Variants in FANCB observed in about 807,000 individuals in gnomAD.
FANCB encodes Fanconi anemia group B protein.
Under a neutral mutation model 38.9 loss-of-function variants are expected in FANCB, and 5 were observed. The ratio of observed to expected loss-of-function variants is 0.13; its 90% CI spans 0.07 to 0.27. FANCB has a LOEUF of 0.27. Among genes scored for constraint, FANCB ranks in the 10% least tolerant of loss-of-function variants. The pLI, the probability that FANCB is intolerant of heterozygous loss-of-function variation, is 1.00. For synonymous variants in FANCB, 236 were observed against 215.4 expected, an observed-to-expected ratio of 1.10 and a Z score of -0.84; for missense variants, 573 against 602.7, an observed-to-expected ratio of 0.95 and a Z score of 0.52.
At chrX:14,840,680 C>A (rs1482414003), downstream of FANCB, among the ~76,000 whole-genome samples, 2 of 112,351 alleles carry the variant, frequency 1.8e-5, no homozygotes, top group African/African-American at 6.5e-5. Flanking sequence ...GCATGCTTTA[C>A]TGACCATAGC....
At chrX:14,691,320 T>C in the FANCB span, among the ~76,000 whole-genome samples, 539 of 60,961 alleles carry the variant, frequency 8.8e-3, 5 homozygotes, top group African/African-American at 0.036. Context: ...TGTGTGTGTG[T>C]GTGTGCGCGC....
At chrX:14,854,109 T>C (rs927558272) in intron 5 of FANCB, among the ~76,000 whole-genome samples, 1 of 112,218 alleles carries the variant, frequency 8.9e-6, no homozygotes, top group Non-Finnish European at 1.9e-5. Context: ...TGTTACCTTA[T>C]TGCACAAAGT....
chrX:14,711,426 C>A, the FANCB span, among the ~76,000 whole-genome samples: 1 of 112,188 alleles, frequency 8.9e-6, no homozygotes, highest in Admixed American at 9.5e-5. Flanking sequence ...TTGAGTTGAA[C>A]AGTTTCACAT....
At chrX:14,717,045 C>A in the FANCB span, among the ~76,000 whole-genome samples, 4 of 111,357 alleles carry the variant, frequency 3.6e-5, no homozygotes, top group South Asian at 7.6e-4. Flanking sequence ...AAAGCAACAA[C>A]AAATCTGACG....
chrX:14,692,486 A>G, the FANCB span, among the ~76,000 whole-genome samples: 1 of 112,129 alleles, frequency 8.9e-6, no homozygotes, highest in South Asian at 3.7e-4. Context: ...TCCTTCAACA[A>G]CTTCTTTTAC....
intron 6 of FANCB, among the ~76,000 whole-genome samples, chrX:14,851,673 C>T (rs1329255835): frequency 8.9e-6 from 1 of 111,778 alleles, no homozygotes; most frequent in Non-Finnish European, 1.9e-5. Flanking sequence ...AAAATGGGGC[C>T]TTGCACATAG....
chrX:14,807,169 C>T, the FANCB span, among the ~76,000 whole-genome samples: 1 of 112,085 alleles, frequency 8.9e-6, no homozygotes, highest in African/African-American at 3.2e-5. Context: ...CTTGAGATGT[C>T]ACAATTCAGG....
chrX:14,820,760 T>C, the FANCB span, among the ~76,000 whole-genome samples: 2 of 111,020 alleles, frequency 1.8e-5, no homozygotes, highest in South Asian at 3.7e-4. Flanking sequence ...CAGATCTTTA[T>C]AAAAAAAATT....
At chrX:14,774,480 G>C in the FANCB span, among the ~76,000 whole-genome samples, 27 of 111,820 alleles carry the variant, frequency 2.4e-4, no homozygotes, top group Non-Finnish European at 3.4e-4. Flanking sequence ...AATGGCAATA[G>C]GGACAATTGG....
chrX:14,828,150 G>C, the FANCB span, among the ~76,000 whole-genome samples: 4 of 111,987 alleles, frequency 3.6e-5, no homozygotes. Flanking sequence ...GGCCTTCAGC[G>C]AGTTGTAATT....
At chrX:14,810,684 G>A in the FANCB span, among the ~76,000 whole-genome samples, 24 of 111,753 alleles carry the variant, frequency 2.1e-4, no homozygotes, top group Non-Finnish European at 4.3e-4. Context: ...CCAAATCTAC[G>A]TCTGATTGGT....
the FANCB span, among the ~76,000 whole-genome samples, chrX:14,767,362 ACTT>A: frequency 9.0e-6 from 1 of 111,326 alleles, no homozygotes; most frequent in Non-Finnish European, 1.9e-5. Context: ...TTGTTTTTTG[ACTT>A]CTTAATAATA....
the FANCB span, among the ~76,000 whole-genome samples, chrX:14,771,802 C>T: frequency 2.7e-5 from 3 of 111,701 alleles, no homozygotes; most frequent in Non-Finnish European, 5.6e-5. Flanking sequence ...AGGTCACTGA[C>T]CTTTGAATGA....
chrX:14,729,375 A>AC, the FANCB span, among the ~76,000 whole-genome samples: 2 of 109,621 alleles, frequency 1.8e-5, no homozygotes, highest in Non-Finnish European at 3.8e-5. Context: ...CCACCGTTTG[A>AC]CCCCCTCCTT....
At chrX:14,796,988 C>G in the FANCB span, among the ~76,000 whole-genome samples, 3 of 111,379 alleles carry the variant, frequency 2.7e-5, no homozygotes, top group African/African-American at 6.5e-5. Flanking sequence ...TCTTACTCAG[C>G]CTTTTTGTTC....
chrX:14,855,966 G>T (rs1233759722), intron 5 of FANCB, among the ~76,000 whole-genome samples: 1 of 112,200 alleles, frequency 8.9e-6, no homozygotes, highest in Non-Finnish European at 1.9e-5. Context: ...TGTTTTTAAA[G>T]GAGACTTCAT....
chrX:14,862,635 C>T (rs2092451775), intron 3 of FANCB, among the ~76,000 whole-genome samples: 1 of 111,701 alleles, frequency 9.0e-6, no homozygotes, highest in Non-Finnish European at 1.9e-5. Flanking sequence ...TGATGACAGC[C>T]CTGGCTTTTG....
the FANCB span, among the ~76,000 whole-genome samples, chrX:14,718,658 G>A: frequency 1.8e-5 from 2 of 111,776 alleles, no homozygotes; most frequent in East Asian, 5.6e-4. Context: ...CTGGTGCCTA[G>A]GCTAGGAAAA....
chrX:14,712,040 A>AGCT, the FANCB span, among the ~76,000 whole-genome samples: 1 of 113,038 alleles, frequency 8.8e-6, no homozygotes, highest in East Asian at 2.8e-4. Flanking sequence ...TTGTCATGTT[A>AGCT]TTATAGAAAA....
Sources: gnomAD v4.1 joint callset for allele counts (sites outside exome capture counted in the v4.1 genomes callset) on GRCh38, gnomAD v4.1.1 for gene constraint, MANE v1.5 for transcripts, NCBI Gene and HGNC (gene_info 2026-07-23, HGNC 2026-07-21) for gene names.